RBM28: variants seen among roughly 807,000 people sequenced by gnomAD.
The protein encoded by RBM28 is RNA-binding protein 28.
A neutral mutation model predicts 98.3 loss-of-function variants in RBM28; 78 were observed. The observed-to-expected ratio is 0.79, with a 90% CI of 0.66 to 0.96. RBM28 has a LOEUF of 0.96. RBM28 is among the 40% of genes least tolerant of loss of function. RBM28 has a pLI of 0.00. For synonymous variants in RBM28, 306 were observed against 330.9 expected, an observed-to-expected ratio of 0.92 and a Z score of 0.82; for missense variants, 838 against 913.0, an observed-to-expected ratio of 0.92 and a Z score of 1.06.
rs1057302348 is a variant in RBM28, at chr7:128,309,998, G to C, written c.*799C>G. 6.6e-6 allele frequency: 1 copy of C among 152,218 alleles called. No homozygotes were observed. Among genetic ancestry groups the C allele is most frequent in the Non-Finnish European group, 1.5e-5 (1 of 68,044 alleles). The allele number at this position is 152,218 out of a possible 1,614,324, so 9.4% of individuals were successfully genotyped here. A position where few individuals can be genotyped will look rare whatever the true frequency, so the allele number is the denominator to read the frequency against. Reference sequence around the variant, plus strand: ...CAAAGTGAGATGTCAAACCCCTGGAGTTTTTCAGTAGGTGTGAAGCCATCT... The same window carrying C: ...CAAAGTGAGATGTCAAACCCCTGGACTTTTTCAGTAGGTGTGAAGCCATCT... On this transcript the variant is annotated 3_prime_UTR_variant, in exon 19 of 19. Transcript: ENST00000223073.
chr7:128,301,045 C>G lies in RBM28; in HGVS notation c.*9752G>C, dbSNP rs1211304767. 8.5e-5 allele frequency: 13 copies of G among 152,404 alleles called. No individual in the cohort carries two copies. Among genetic ancestry groups the G allele is most frequent in the African/African-American group, 3.1e-4 (13 of 41,570 alleles). The allele number at this position is 152,404 out of a possible 1,614,324, so 9.4% of individuals were successfully genotyped here. A position where few individuals can be genotyped will look rare whatever the true frequency, so the allele number is the denominator to read the frequency against. ...CAGAGGCTGGAGGTGGGGCCAGCAC[C>G]ACCTGAGGACATGTAGCCTTCCCAG... On this transcript the variant is annotated 3_prime_UTR_variant, in exon 19 of 19. Transcript: ENST00000223073.
chr7:128,329,888 CAAAAAAAAA>C (rs398006204), intron 10 of RBM28, among the ~76,000 whole-genome samples: 1,058 of 101,556 alleles, frequency 0.01, 12 homozygotes, highest in African/African-American at 0.042. Context: ...GACTCCGTCT[CAAAAAAAAA>C]AAAAAAAAAA....
chr7:128,323,680 T>C (rs1236552463), intron 12 of RBM28, 89 bp from the exon 13 acceptor site: 1 of 1,465,292 alleles, frequency 6.8e-7, no homozygotes, highest in African/African-American at 1.4e-5. Context: ...TGCAAACTCT[T>C]TGTACAGGGC....
intron 10 of RBM28, among the ~76,000 whole-genome samples, chr7:128,327,139 AGAAAG>A (rs1353278947): frequency 6.7e-6 from 1 of 150,106 alleles, no homozygotes; most frequent in African/African-American, 2.5e-5. Flanking sequence ...CTCAAAAAAA[AGAAAG>A]AAAAGAAAAG....
intron 13 of RBM28, 38 bp from the exon 14 acceptor site, chr7:128,321,462 C>A: frequency 1.2e-6 from 2 of 1,612,064 alleles, no homozygotes; most frequent in South Asian, 2.2e-5. Flanking sequence ...ACAACCCACT[C>A]TTTTTAAGAG....
intron 12 of RBM28, 91 bp downstream of exon 12, chr7:128,324,468 T>C: frequency 6.3e-7 from 1 of 1,578,540 alleles, no homozygotes; most frequent in Non-Finnish European, 8.7e-7. Flanking sequence ...GTTTTTAATT[T>C]GAAACATGCT....
In RBM28 at chr7:128,340,230, A is replaced by G. The variant is rs529270082; in HGVS notation, c.119-439T>C. Among the ~76,000 whole-genome samples, 5 of 152,350 alleles carry G rather than the reference A, an allele frequency of 3.3e-5. No homozygotes were observed. The South Asian group carries it at 1.0e-3, about 32-fold the overall frequency. Reference sequence around the variant, plus strand: ...GAAACTTAATCCCCAATGTAGCAGTATTGAAAGGTGGAGTCTTTAAGAGGT... The same window carrying G: ...GAAACTTAATCCCCAATGTAGCAGTGTTGAAAGGTGGAGTCTTTAAGAGGT... On this transcript the variant is annotated intron_variant, in intron 1 of 18. Transcript: ENST00000223073.
In RBM28 at chr7:128,310,826, C is replaced by A; in HGVS notation, c.2251G>T (p.Ala751Ser). ...CTATCAAACCATTTGCTCCTCTTTGCAAGAGGTGCTCCTTTAGAAGGTCCC... is the reference window on the plus strand; with the variant it reads ...CTATCAAACCATTTGCTCCTCTTTGAAAGAGGTGCTCCTTTAGAAGGTCCC... ...LLGPSKGAPL[A>S]KRSKWFDS The change falls in exon 19 of 19, where the codon GCA (alanine) becomes TCA (serine). Residue 751 changes from alanine (A) to serine (S), a missense_variant. Physicochemically the swap from Ala to Ser is moderately conservative, Grantham distance 99. Coordinates refer to ENST00000223073, the MANE Select transcript of RBM28 (RefSeq NM_018077.3). 6.2e-7 allele frequency: 1 copy of A among 1,614,160 alleles called. No individual in the cohort carries two copies. The highest frequency in any genetic ancestry group is 8.5e-7 in the Non-Finnish European group (1 of 1,180,004).
intron 10 of RBM28, 80 bp downstream of exon 10, chr7:128,330,739 C>T (rs879343145): frequency 3.0e-6 from 3 of 1,015,754 alleles, no homozygotes; most frequent in Admixed American, 3.4e-5. Context: ...AAATGGCACA[C>T]ATTATGCTCT....
chr7:128,309,671 T>C lies in RBM28; in HGVS notation c.*1126A>G, dbSNP rs886883778. ...AAAGAAGAAGAAACAGGGAAGCAGA[T>C]TTCAGTAAGGGGGCAAGATAGAGGG... On this transcript the variant is annotated 3_prime_UTR_variant, in exon 19 of 19. Coordinates refer to ENST00000223073, the MANE Select transcript of RBM28 (RefSeq NM_018077.3). The C allele has an allele frequency of 3.3e-5, 5 of 151,822 alleles. No individual in the cohort carries two copies. Among genetic ancestry groups the C allele is most frequent in the African/African-American group, 1.2e-4 (5 of 40,864 alleles). The allele number at this position is 151,822 out of a possible 1,614,324, so 9.4% of individuals were successfully genotyped here. A position where few individuals can be genotyped will look rare whatever the true frequency, so the allele number is the denominator to read the frequency against.
chr7:128,321,673 T>C (rs567004261), intron 13 of RBM28, among the ~76,000 whole-genome samples: 51 of 152,232 alleles, frequency 3.4e-4, no homozygotes, highest in African/African-American at 1.2e-3. Flanking sequence ...AGAAATTACA[T>C]AAAATTTTAA....
At chr7:128,315,707 T>A (rs570884139) in intron 16 of RBM28, among the ~76,000 whole-genome samples, 3 of 152,060 alleles carry the variant, frequency 2.0e-5, no homozygotes, top group African/African-American at 7.2e-5. Context: ...TTTAAATTTT[T>A]AAAAGAAAAA....
intron 10 of RBM28, among the ~76,000 whole-genome samples, chr7:128,328,934 C>CCTTATTCA (rs1400438292): frequency 5.3e-5 from 8 of 151,862 alleles, no homozygotes; most frequent in Non-Finnish European, 8.8e-5. Context: ...CACAGTGCTG[C>CCTTATTCA]CTTATTCACA....
At chr7:128,320,737 T>C (rs1413812906) in intron 14 of RBM28, among the ~76,000 whole-genome samples, 2 of 152,254 alleles carry the variant, frequency 1.3e-5, no homozygotes, top group Non-Finnish European at 2.9e-5. Context: ...CTTGCTAAAT[T>C]AATTCATGCA....
intron 5 of RBM28, among the ~76,000 whole-genome samples, chr7:128,337,568 T>TTTC (rs1317995014): frequency 1.3e-5 from 2 of 150,742 alleles, no homozygotes; most frequent in Admixed American, 6.6e-5. Context: ...ACTTCTTTTT[T>TTTC]TTTTTTTTGA....
At chr7:128,313,148 C>T in intron 18 of RBM28, 27 bp downstream of exon 18, 1 of 1,598,888 alleles carries the variant, frequency 6.3e-7, no homozygotes, top group Non-Finnish European at 8.6e-7. Flanking sequence ...CATGCCATAC[C>T]AAAGCTGTAT....
chr7:128,313,447 G>A (rs1353886516), intron 17 of RBM28, among the ~76,000 whole-genome samples, 173 bp from the exon 18 acceptor site: 4 of 152,138 alleles, frequency 2.6e-5, no homozygotes, highest in Admixed American at 6.5e-5. Flanking sequence ...ACTGCTTGAT[G>A]CCAGGAGTTT....
At chr7:128,341,153 C>G in intron 1 of RBM28, 1 of 1,289,436 alleles carries the variant, frequency 7.8e-7, no homozygotes, top group Non-Finnish European at 1.0e-6. Flanking sequence ...CTCTGCTTCT[C>G]TTTCCACTGC....
intron 17 of RBM28, among the ~76,000 whole-genome samples, chr7:128,314,128 A>C (rs1796052767): frequency 6.6e-6 from 1 of 152,110 alleles, no homozygotes; most frequent in African/African-American, 2.4e-5. Flanking sequence ...GCACCCAGCT[A>C]ATTTTTTGTA....
Sources: gnomAD v4.1 joint callset for allele counts (sites outside exome capture counted in the v4.1 genomes callset) on GRCh38, gnomAD v4.1.1 for gene constraint, MANE v1.5 for transcripts, NCBI Gene and HGNC (gene_info 2026-07-23, HGNC 2026-07-21) for gene names.